PSTPIP1: variants seen among roughly 807,000 people sequenced by gnomAD.
PSTPIP1 encodes proline-serine-threonine phosphatase-interacting protein 1.
A neutral mutation model predicts 69.6 loss-of-function variants in PSTPIP1; 66 were observed. The ratio of observed to expected loss-of-function variants is 0.95; its 90% CI spans 0.78 to 1.16. The LOEUF (loss-of-function observed/expected upper bound fraction) is 1.16, where lower values mean the gene tolerates loss of function less well. Among genes scored for constraint, PSTPIP1 ranks in the 50% most tolerant of loss-of-function variants. The probability of loss-of-function intolerance (pLI) is 0.00; values close to 1 mark genes in which losing one functional copy is unlikely to be tolerated. For synonymous variants in PSTPIP1, 266 were observed against 222.7 expected, an observed-to-expected ratio of 1.19 and a Z score of -1.73; for missense variants, 603 against 557.4, an observed-to-expected ratio of 1.08 and a Z score of -0.82.
intron 1 of PSTPIP1, among the ~76,000 whole-genome samples, chr15:77,008,697 A>T (rs1475614210): frequency 6.6e-6 from 1 of 152,188 alleles, no homozygotes; most frequent in Non-Finnish European, 1.5e-5. Flanking sequence ...GGCGTGAGCC[A>T]CTGCGCCCAG....
At chr15:77,019,779 G>A (rs186738692) in intron 3 of PSTPIP1, among the ~76,000 whole-genome samples, 51 of 152,342 alleles carry the variant, frequency 3.3e-4, no homozygotes, top group African/African-American at 1.2e-3. Flanking sequence ...CACAGAGGAG[G>A]GCTCAGGACA....
At position 77,037,106 on chromosome 15, in the gene PSTPIP1, A is replaced by G; in HGVS notation, c.1181A>G (p.Asp394Gly). 6.2e-7 allele frequency: 1 copy of G among 1,612,306 alleles called. No homozygotes were observed. The highest frequency in any genetic ancestry group is 1.3e-5 in the African/African-American group (1 of 74,998). The change falls in exon 15 of 15, where the codon GAT becomes GGT. Residue 394 changes from aspartate to glycine, a missense_variant. Coordinates refer to ENST00000558012, the MANE Select transcript of PSTPIP1 (RefSeq NM_003978.5). ...CTGGAGGTGATCCTGGAAGGGGAGG[A>G]TGGCTGGTGGACTGTGGAGAGGAAC... ...DILEVILEGE[D>G]GWWTVERNGQ...
At chr15:77,011,564 C>T (rs2075935011) in intron 1 of PSTPIP1, among the ~76,000 whole-genome samples, 1 of 152,240 alleles carries the variant, frequency 6.6e-6, no homozygotes, top group Admixed American at 6.5e-5. Flanking sequence ...CATTAATGCA[C>T]ATTTGTTCTC....
chr15:77,004,431 A>C (rs1354314650), intron 1 of PSTPIP1, among the ~76,000 whole-genome samples: 3 of 152,226 alleles, frequency 2.0e-5, no homozygotes, highest in African/African-American at 7.2e-5. Flanking sequence ...AGGGCTTCCC[A>C]GCTGTGGAAA....
intron 1 of PSTPIP1, among the ~76,000 whole-genome samples, chr15:77,014,521 C>T (rs1240750013): frequency 1.3e-5 from 2 of 152,184 alleles, no homozygotes; most frequent in South Asian, 2.1e-4. Flanking sequence ...TGTCAGGGCC[C>T]GAAAGGGGGT....
chr15:76,999,821 C>G (rs890761111), intron 1 of PSTPIP1, among the ~76,000 whole-genome samples: 1 of 152,188 alleles, frequency 6.6e-6, no homozygotes, highest in African/African-American at 2.4e-5. Flanking sequence ...CCCCATCCCC[C>G]GCAACCTGTA....
Position 77,032,316 on chromosome 15 carries a change from C to A in PSTPIP1, c.760C>A (p.Leu254Met), listed in dbSNP as rs1178003366. ...GCCCCAGCTCTACGAGGAAGTGCGG[C>A]TGACGCTGGAAGGCTGCAGCATAGA... Reference protein sequence around the residue: ...KDDELYEEVRLTLEGCSIDAD... With the variant: ...KDDELYEEVRMTLEGCSIDAD... The change falls in exon 11 of 15, where the codon CTG (leucine) becomes ATG (methionine). Residue 254 changes from leucine (L) to methionine (M), a missense_variant. Physicochemically the swap from Leu to Met is conservative, Grantham distance 15. Coordinates refer to ENST00000558012, the MANE Select transcript of PSTPIP1 (RefSeq NM_003978.5). 6.2e-7 allele frequency: 1 copy of A among 1,612,462 alleles called. No individual in the cohort carries two copies. The highest frequency in any genetic ancestry group is 1.7e-5 in the Admixed American group (1 of 59,996).
At chr15:77,032,552 G>A in intron 11 of PSTPIP1, 158 bp downstream of exon 11, 1 of 719,704 alleles carries the variant, frequency 1.4e-6, no homozygotes, top group Non-Finnish European at 2.3e-6. Context: ...TGGGTCCCAG[G>A]CCTGCTGCCT....
rs369113632 is a variant in PSTPIP1, at chr15:77,037,132, G to C, written c.1207G>C (p.Gly403Arg). 284 of 1,612,100 alleles carry C rather than the reference G, an allele frequency of 1.8e-4. 3 individuals carry two copies. In the Middle Eastern group the frequency reaches 3.8e-3, roughly 22 times the overall value. ...TGGCTGGTGGACTGTGGAGAGGAAC[G>C]GGCAGCGTGGCTTCGTCCCTGGTTC... ...EDGWWTVERNGQRGFVPGSYL... is the reference protein window; with the variant it reads ...EDGWWTVERNRQRGFVPGSYL... The change falls in exon 15 of 15, where the codon GGG becomes CGG. Residue 403 changes from glycine to arginine, a missense_variant. Physicochemically the swap from Gly to Arg is moderately radical, Grantham distance 125. Transcript: ENST00000558012.
chr15:77,002,472 T>A (rs1048505340), intron 1 of PSTPIP1, among the ~76,000 whole-genome samples: 4 of 152,232 alleles, frequency 2.6e-5, no homozygotes, highest in Non-Finnish European at 5.9e-5. Flanking sequence ...ACTAAGCAAT[T>A]CCTGCTTTCA....
At position 77,035,895 on chromosome 15, in the gene PSTPIP1, C is replaced by T. The variant is rs768897476; in HGVS notation, c.1079C>T (p.Pro360Leu). The T allele has an allele frequency of 6.2e-7, 1 of 1,609,948 alleles. No homozygotes were observed. The highest frequency in any genetic ancestry group is 1.1e-5 in the South Asian group (1 of 90,860). Residue 360 changes from proline (P) to leucine (L), a missense_variant, in exon 14 of 15, where the codon CCA becomes CTA. Pro to Leu is a moderately conservative substitution (Grantham distance 98). Coordinates refer to ENST00000558012, the MANE Select transcript of PSTPIP1 (RefSeq NM_003978.5). The stretch of plus-strand genomic sequence containing the variant: ...GAGATACAGGGAAACCCGGCCTCAC[C>T]AGCCCAGGAGTACCGGGCGCTCTAC... Reference protein sequence around the residue: ...VQEIQGNPASPAQEYRALYDY... With the variant: ...VQEIQGNPASLAQEYRALYDY...
intron 1 of PSTPIP1, among the ~76,000 whole-genome samples, chr15:77,005,598 C>T (rs970066771): frequency 1.3e-5 from 2 of 152,172 alleles, no homozygotes; most frequent in African/African-American, 4.8e-5. Flanking sequence ...TCCTGAACTG[C>T]TTCATCATCC....
chr15:76,994,940 A>G, upstream of PSTPIP1: 1 of 1,240,492 alleles, frequency 8.1e-7, no homozygotes. Context: ...CCTCCTGGCC[A>G]CACTGTCAGT....
chr15:77,020,555 T>C (rs2076139481), intron 3 of PSTPIP1, among the ~76,000 whole-genome samples: 1 of 152,178 alleles, frequency 6.6e-6, no homozygotes, highest in South Asian at 2.1e-4. Flanking sequence ...CACCATTTAA[T>C]TGAGGACCTA....
intron 5 of PSTPIP1, 83 bp downstream of exon 5, chr15:77,025,687 T>G: frequency 3.2e-5 from 25 of 787,134 alleles, no homozygotes; most frequent in East Asian, 1.0e-4. Flanking sequence ...CTGACCTTCC[T>G]GGTAGAGCCA....
At chr15:77,028,952 C>T (rs2076351838) in intron 7 of PSTPIP1, among the ~76,000 whole-genome samples, 1 of 152,242 alleles carries the variant, frequency 6.6e-6, no homozygotes, top group Non-Finnish European at 1.5e-5. Flanking sequence ...CTCACACAAC[C>T]TTGGAGAAGG....
chr15:77,005,828 T>G (rs2075804670), intron 1 of PSTPIP1, among the ~76,000 whole-genome samples: 1 of 152,268 alleles, frequency 6.6e-6, no homozygotes, highest in Non-Finnish European at 1.5e-5. Context: ...ATTTTCTTCC[T>G]CTTTATGACA....
chr15:77,034,400 T>C (rs371568191), intron 12 of PSTPIP1, among the ~76,000 whole-genome samples: 1 of 151,996 alleles, frequency 6.6e-6, no homozygotes, highest in African/African-American at 2.4e-5. Context: ...CCTGCGCATG[T>C]GTGTGCACTC....
chr15:77,025,706 C>CGCCTGGGGGGGGG, intron 5 of PSTPIP1, 102 bp downstream of exon 5: 1 of 410,076 alleles, frequency 2.4e-6, no homozygotes. Context: ...CAGTGGAGGG[C>CGCCTGGGGGGGGG]GGCAGGGGTG....
Sources: allele counts gnomAD v4.1 joint callset (sites outside exome capture counted in the v4.1 genomes callset), GRCh38; gene constraint gnomAD v4.1.1; transcripts MANE v1.5; gene names NCBI Gene and HGNC (gene_info 2026-07-23, HGNC 2026-07-21).